NFYC: variants seen among roughly 807,000 people sequenced by gnomAD.
NFYC encodes the protein CAAT box DNA-binding protein subunit C.
NFYC carries 25 observed loss-of-function variants against 53.1 expected under a neutral mutation model. The observed-to-expected ratio is 0.47, with a 90% CI of 0.34 to 0.66. The LOEUF (loss-of-function observed/expected upper bound fraction) is 0.66, where lower values mean the gene tolerates loss of function less well. Ranked by LOEUF, NFYC falls within the 30% of genes least tolerant of loss-of-function variation. The pLI is 0.01. For synonymous variants in NFYC, 145 were observed against 152.6 expected, an observed-to-expected ratio of 0.95 and a Z score of 0.37; for missense variants, 260 against 422.7, an observed-to-expected ratio of 0.62 and a Z score of 3.38.
intron 1 of NFYC, among the ~76,000 whole-genome samples, chr1:40,705,163 C>G (rs1643635487): frequency 6.6e-6 from 1 of 152,204 alleles, no homozygotes; most frequent in Admixed American, 6.5e-5. Flanking sequence ...AGTACAGTGT[C>G]ATATAATTAA....
chr1:40,736,401 T>C (rs752683936), intron 1 of NFYC, among the ~76,000 whole-genome samples: 1 of 152,024 alleles, frequency 6.6e-6, no homozygotes, highest in Non-Finnish European at 1.5e-5. Flanking sequence ...TGTGATAGAG[T>C]GTTCTGCCCA....
chr1:40,749,477 C>T, intron 3 of NFYC, 96 bp from the exon 4 acceptor site: 2 of 922,556 alleles, frequency 2.2e-6, no homozygotes, highest in South Asian at 1.4e-5. Context: ...TTTTTTGACC[C>T]TTGCCCCATA....
At chr1:40,755,829 G>C (rs1646185758) in intron 5 of NFYC, among the ~76,000 whole-genome samples, 1 of 152,184 alleles carries the variant, frequency 6.6e-6, no homozygotes, top group Non-Finnish European at 1.5e-5. Context: ...AGGAGCTCTT[G>C]TCCTGCTCTC....
intron 1 of NFYC, among the ~76,000 whole-genome samples, chr1:40,727,616 C>T (rs570681256): frequency 3.8e-4 from 58 of 151,674 alleles, no homozygotes; most frequent in African/African-American, 1.3e-3. Flanking sequence ...CTGCAACCTC[C>T]GCCTCCCAGA....
chr1:40,715,287 G>C (rs1490813686), intron 1 of NFYC, among the ~76,000 whole-genome samples: 1 of 151,688 alleles, frequency 6.6e-6, no homozygotes, highest in South Asian at 2.1e-4. Context: ...CTATACAGGA[G>C]GCTGAGGCAC....
At chr1:40,752,680 T>TA (rs1371233601) in intron 4 of NFYC, among the ~76,000 whole-genome samples, 2 of 152,034 alleles carry the variant, frequency 1.3e-5, no homozygotes, top group Non-Finnish European at 2.9e-5. Context: ...TGTGAGAACT[T>TA]AGTGTATATA....
intron 1 of NFYC, among the ~76,000 whole-genome samples, chr1:40,737,925 C>T (rs10889596): frequency 0.65 from 91,793 of 140,234 alleles, 30,122 homozygotes; most frequent in African/African-American, 0.72. Flanking sequence ...TTTTTTGAGA[C>T]GGAGTCTCGC....
At chr1:40,720,275 A>G (rs1644281879) in intron 1 of NFYC, among the ~76,000 whole-genome samples, 1 of 152,218 alleles carries the variant, frequency 6.6e-6, no homozygotes, top group African/African-American at 2.4e-5. Flanking sequence ...TGACATTATT[A>G]TAACGCCCTC....
chr1:40,695,322 A>C (rs1643068707), intron 1 of NFYC, among the ~76,000 whole-genome samples: 1 of 152,250 alleles, frequency 6.6e-6, no homozygotes, highest in Non-Finnish European at 1.5e-5. Context: ...CAGAGAAATG[A>C]AGGCAAAGCG....
chr1:40,771,243 G>C lies in NFYC; in HGVS notation c.*415G>C. The C allele has an allele frequency of 3.2e-6, 1 of 313,822 alleles. No homozygotes were observed. The highest frequency in any genetic ancestry group is 2.8e-5 in the South Asian group (1 of 35,672). The allele number at this position is 313,822 out of a possible 1,614,324, so 19.4% of individuals were successfully genotyped here. The stretch of plus-strand genomic sequence containing the variant: ...GGTGTACGGTATTTCTTGACTCTGG[G>C]AACAGCTGCTACCCCCAAGACTTGC... On this transcript the variant is annotated 3_prime_UTR_variant, in exon 10 of 10. Coordinates refer to ENST00000447388, the MANE Select transcript of NFYC (RefSeq NM_014223.5).
At chr1:40,754,637 A>G (rs978281227) in intron 5 of NFYC, among the ~76,000 whole-genome samples, 7 of 152,172 alleles carry the variant, frequency 4.6e-5, no homozygotes, top group Non-Finnish European at 7.3e-5. Context: ...CCTTTTGTCT[A>G]TCAGAAGCCC....
chr1:40,739,681 A>G (rs529707046), intron 2 of NFYC, among the ~76,000 whole-genome samples: 2 of 152,348 alleles, frequency 1.3e-5, no homozygotes, highest in South Asian at 4.1e-4. Flanking sequence ...AATTACAACC[A>G]GAATAATTTA....
rs1201221953 is a variant in NFYC at position 40,770,301 on chromosome 1, CCTA to C, written c.889-405_889-403del. On this transcript the variant is annotated intron_variant, in intron 9 of 9. Transcript: ENST00000447388. The surrounding 1 kb of genome is among the most constrained non-coding windows in gnomAD (Gnocchi z 5.3). ...GAAAAGAAGGAGAGGAGGGGGTAAT[CCTA>C]CTGCCCCTGCCAGTGTAGATTACCA... 1 of 1,191,058 alleles carries C rather than the reference CCTA, an allele frequency of 8.4e-7. No homozygotes were observed. The highest frequency in any genetic ancestry group is 1.5e-5 in the African/African-American group (1 of 65,040). 73.8% of individuals were successfully genotyped at this position (1,191,058 alleles called of 1,614,324 possible).
At chr1:40,761,059 G>A (rs888058166) in intron 6 of NFYC, among the ~76,000 whole-genome samples, 2 of 152,290 alleles carry the variant, frequency 1.3e-5, no homozygotes, top group East Asian at 1.9e-4. Flanking sequence ...TGACAGCAGG[G>A]CACACCATAC....
At chr1:40,762,076 G>A (rs1646577020) in intron 6 of NFYC, among the ~76,000 whole-genome samples, 1 of 152,194 alleles carries the variant, frequency 6.6e-6, no homozygotes, top group Non-Finnish European at 1.5e-5. Context: ...TCTCAAAAGA[G>A]TACATTTCAT....
chr1:40,771,377 TC>T lies in NFYC; in HGVS notation c.*551del, dbSNP rs1253372687. ...GACCCCAGAGCTCTGTGTATTTGCA[TC>T]CAGAGGCCATGGAAACATTCTTTGC... On this transcript the variant is annotated 3_prime_UTR_variant, in exon 10 of 10. Coordinates refer to ENST00000447388, the MANE Select transcript of NFYC (RefSeq NM_014223.5). The T allele has an allele frequency of 4.3e-6, 2 of 468,248 alleles. No homozygotes were observed. The highest frequency in any genetic ancestry group is 8.9e-6 in the Non-Finnish European group (2 of 225,586). The allele number at this position is 468,248 out of a possible 1,614,324, so 29.0% of individuals were successfully genotyped here.
intron 7 of NFYC, among the ~76,000 whole-genome samples, chr1:40,764,844 T>C (rs974608189): frequency 6.6e-6 from 1 of 152,168 alleles, no homozygotes; most frequent in Non-Finnish European, 1.5e-5. Flanking sequence ...CATCACCAAA[T>C]GTCTTAACCT....
intron 7 of NFYC, chr1:40,763,594 G>T (rs191964699): frequency 2.9e-6 from 1 of 346,932 alleles, no homozygotes; most frequent in Admixed American, 4.0e-5. Context: ...TGATCCGCCC[G>T]CCTCGGCCTC....
chr1:40,702,887 G>T (rs1258588120), intron 1 of NFYC, among the ~76,000 whole-genome samples: 1 of 151,946 alleles, frequency 6.6e-6, no homozygotes, highest in Non-Finnish European at 1.5e-5. Flanking sequence ...CATGATCTCG[G>T]CTCACTGCAT....
Sources: allele counts gnomAD v4.1 joint callset (sites outside exome capture counted in the v4.1 genomes callset), GRCh38; gene constraint gnomAD v4.1.1; non-coding constraint Gnocchi (gnomAD v3.1); transcripts MANE v1.5; gene names NCBI Gene and HGNC (gene_info 2026-07-23, HGNC 2026-07-21).